Variants in MMP20 observed in about 807,000 individuals in gnomAD.
MMP20 encodes the protein matrix metallopeptidase 20, also known as matrix metalloproteinase-20.
MMP20 carries 50 observed loss-of-function variants against 51.8 expected under a neutral mutation model. The observed-to-expected ratio is 0.97, with a 90% CI of 0.77 to 1.22. The LOEUF (loss-of-function observed/expected upper bound fraction) is 1.22, where lower values mean the gene tolerates loss of function less well. Ranked by LOEUF, MMP20 falls within the 50% of genes most tolerant of loss-of-function variation. The probability of loss-of-function intolerance (pLI) is 0.00; values close to 1 mark genes in which losing one functional copy is unlikely to be tolerated. For synonymous variants in MMP20, 244 were observed against 216.2 expected, an observed-to-expected ratio of 1.13 and a Z score of -1.13; for missense variants, 663 against 601.4, an observed-to-expected ratio of 1.10 and a Z score of -1.07.
At position 102,593,382 on chromosome 11, in the gene MMP20, T is replaced by C; in HGVS notation, c.1247+57A>G. On this transcript the variant is annotated intron_variant, in intron 8 of 9. Coordinates refer to ENST00000260228, the MANE Select transcript of MMP20 (RefSeq NM_004771.4). ...ATTCTTTCGTGGAAGGGTTTTTATC[T>C]TTTTAAAATCATTCTCATTAAATAA... 6 of 1,580,626 alleles carry C rather than the reference T, an allele frequency of 3.8e-6. No homozygotes were observed. The Middle Eastern group carries it at 5.0e-4, about 133-fold the overall frequency.
rs1325248761 is a variant in MMP20 at position 102,594,991 on chromosome 11, G to A, written c.954-234C>T. Among the ~76,000 whole-genome samples the A allele has an allele frequency of 5.3e-5, 8 of 150,466 alleles. No homozygotes were observed. In the Admixed American group the frequency reaches 5.3e-4, roughly 10 times the overall value. ...CATGATCTTGGCTCACTGCAACCTC[G>A]GCTCACTGCAACCTCCACCTCTCCA... On this transcript the variant is annotated intron_variant, in intron 6 of 9. Coordinates refer to ENST00000260228, the MANE Select transcript of MMP20 (RefSeq NM_004771.4).
chr11:102,600,990 G>A (rs1859438751), intron 6 of MMP20, among the ~76,000 whole-genome samples: 1 of 152,018 alleles, frequency 6.6e-6, no homozygotes, highest in African/African-American at 2.4e-5. Context: ...CAGGGGTTTT[G>A]TCTCTGATGT....
At chr11:102,619,412 G>C (rs571089858) in intron 1 of MMP20, among the ~76,000 whole-genome samples, 1 of 152,064 alleles carries the variant, frequency 6.6e-6, no homozygotes, top group African/African-American at 2.4e-5. Context: ...CATGTTTGCC[G>C]TGTTTACCAC....
At chr11:102,602,561 G>C (rs1391616253) in intron 6 of MMP20, among the ~76,000 whole-genome samples, 3 of 152,136 alleles carry the variant, frequency 2.0e-5, no homozygotes, top group African/African-American at 7.2e-5. Flanking sequence ...TTAAATTTCA[G>C]TGCTTTTCTT....
intron 8 of MMP20, among the ~76,000 whole-genome samples, chr11:102,580,100 G>A (rs1211274664): frequency 1.3e-5 from 2 of 152,166 alleles, no homozygotes; most frequent in Non-Finnish European, 2.9e-5. Context: ...TTTGTTTCCT[G>A]GAAAGCTTAT....
rs747582394 is a variant in MMP20 at position 102,625,308 on chromosome 11, G to C, written c.12C>G (p.Leu4=). The stretch of plus-strand genomic sequence containing the variant: ...GGAAGACAGCAAGGCCAGATGCAGG[G>C]AGCACCTTCATCCCCTCACAGTAGC... MKV[L]PASGLAVFLI... The change falls in exon 1 of 10, where the codon CTC becomes CTG. Residue 4 remains leucine, a synonymous_variant. Coordinates refer to ENST00000260228, the MANE Select transcript of MMP20 (RefSeq NM_004771.4). The C allele has an allele frequency of 1.9e-6, 3 of 1,613,342 alleles. No individual in the cohort carries two copies. Among genetic ancestry groups the C allele is most frequent in the African/African-American group, 2.7e-5 (2 of 74,848 alleles).
At chr11:102,597,269 T>A (rs939638558) in intron 6 of MMP20, among the ~76,000 whole-genome samples, 2 of 152,236 alleles carry the variant, frequency 1.3e-5, no homozygotes, top group Non-Finnish European at 2.9e-5. Flanking sequence ...AGCTAAGTCC[T>A]ACTTTTTAGT....
At chr11:102,585,550 A>C (rs1282288649) in intron 8 of MMP20, among the ~76,000 whole-genome samples, 1 of 152,174 alleles carries the variant, frequency 6.6e-6, no homozygotes, top group African/African-American at 2.4e-5. Context: ...CATATGCAAA[A>C]AGAAATAGTT....
chr11:102,621,539 A>G (rs1859751084), intron 1 of MMP20, among the ~76,000 whole-genome samples: 1 of 152,206 alleles, frequency 6.6e-6, no homozygotes, highest in African/African-American at 2.4e-5. Flanking sequence ...CTCAATATGA[A>G]TGCTTTTAAA....
intron 1 of MMP20, among the ~76,000 whole-genome samples, chr11:102,622,372 A>G (rs1859762029): frequency 6.6e-6 from 1 of 151,492 alleles, no homozygotes; most frequent in Admixed American, 6.6e-5. Context: ...TGTCCTTGGG[A>G]CTCCTCTGGG....
Position 102,579,180 on chromosome 11 carries a change from A to G in MMP20, c.1248-38T>C. ...TTATTTCATAAATAATATTACTAAG[A>G]GGTTTTTACTGGTTGTAGATGACAC... On this transcript the variant is annotated intron_variant, in intron 8 of 9. Transcript: ENST00000260228. 7 of 1,440,988 alleles carry G rather than the reference A, an allele frequency of 4.9e-6. No homozygotes were observed. In the South Asian group the frequency reaches 7.0e-5, roughly 14 times the overall value. 89.3% of individuals were successfully genotyped at this position (1,440,988 alleles called of 1,614,324 possible).
intron 6 of MMP20, among the ~76,000 whole-genome samples, chr11:102,597,246 C>T (rs996004578): frequency 6.6e-6 from 1 of 152,202 alleles, no homozygotes; most frequent in Non-Finnish European, 1.5e-5. Context: ...AATCAACAAG[C>T]AACTCTAGGC....
intron 6 of MMP20, among the ~76,000 whole-genome samples, chr11:102,603,139 C>T (rs766512287): frequency 1.3e-5 from 2 of 152,196 alleles, no homozygotes; most frequent in Non-Finnish European, 2.9e-5. Flanking sequence ...GCTTTGGAAA[C>T]AAACCATGTG....
intron 8 of MMP20, among the ~76,000 whole-genome samples, chr11:102,590,816 T>C (rs935265549): frequency 2.6e-5 from 4 of 152,160 alleles, no homozygotes; most frequent in African/African-American, 9.7e-5. Flanking sequence ...TTCTTCTCAG[T>C]TCCATCCTTC....
intron 8 of MMP20, among the ~76,000 whole-genome samples, chr11:102,586,104 C>A (rs896481527): frequency 6.6e-6 from 1 of 152,106 alleles, no homozygotes; most frequent in Non-Finnish European, 1.5e-5. Context: ...AAGGATAATG[C>A]TGACTTCAGT....
chr11:102,590,804 C>T (rs937682239), intron 8 of MMP20, among the ~76,000 whole-genome samples: 1 of 152,080 alleles, frequency 6.6e-6, no homozygotes, highest in Non-Finnish European at 1.5e-5. Context: ...CTCCTTTGTC[C>T]TTTCTTCTCA....
chr11:102,602,954 A>G (rs911504195), intron 6 of MMP20, among the ~76,000 whole-genome samples: 3 of 152,218 alleles, frequency 2.0e-5, no homozygotes, highest in African/African-American at 7.2e-5. Flanking sequence ...TTTGTCATCT[A>G]TTATAAAAAG....
At position 102,624,127 on chromosome 11, in the gene MMP20, G is replaced by A. The variant is rs540313210; in HGVS notation, c.126+1067C>T. Among the ~76,000 whole-genome samples, 23 of 152,338 alleles carry A rather than the reference G, an allele frequency of 1.5e-4. No individual in the cohort carries two copies. In the South Asian group the frequency reaches 2.7e-3, roughly 18 times the overall value. The stretch of plus-strand genomic sequence containing the variant: ...GGATGAGTGGCAGAAACAATCGGTA[G>A]GGACATGCCATTGCACATGGGTGCA... On this transcript the variant is annotated intron_variant, in intron 1 of 9. Transcript: ENST00000260228.
intron 1 of MMP20, 35 bp from the exon 2 acceptor site, chr11:102,617,094 G>A (rs544220123): frequency 1.9e-5 from 31 of 1,613,732 alleles, no homozygotes; most frequent in South Asian, 3.3e-5. Context: ...CGTCTACAGC[G>A]TAGTCTGGGA....
Sources: allele counts gnomAD v4.1 joint callset (sites outside exome capture counted in the v4.1 genomes callset), GRCh38; gene constraint gnomAD v4.1.1; transcripts MANE v1.5; gene names NCBI Gene and HGNC (gene_info 2026-07-23, HGNC 2026-07-21).